The following TLDC2 variants were observed in gnomAD, a reference collection of about 807,000 sequenced individuals.
TLDC2 encodes the protein TBC/LysM-associated domain containing 2, also known as TLD domain-containing protein 2.
A neutral mutation model predicts 27.9 loss-of-function variants in TLDC2; 23 were observed. That is an observed-to-expected ratio of 0.82 (90% confidence interval 0.59 to 1.17). The LOEUF (loss-of-function observed/expected upper bound fraction) is 1.17, where lower values mean the gene tolerates loss of function less well. Ranked by LOEUF, TLDC2 falls within the 50% of genes most tolerant of loss-of-function variation. The probability of loss-of-function intolerance (pLI) is 0.00; values close to 1 mark genes in which losing one functional copy is unlikely to be tolerated. For missense variants in TLDC2, 286 were observed against 273.4 expected, an observed-to-expected ratio of 1.05 and a Z score of -0.32; for synonymous variants, 124 against 107.4, an observed-to-expected ratio of 1.16 and a Z score of -0.96.
chr20:36,879,885 G>GA (rs71186023), intron 3 of TLDC2, among the ~76,000 whole-genome samples: 220 of 135,084 alleles, frequency 1.6e-3, no homozygotes, highest in Middle Eastern at 3.7e-3. Context: ...AACCCTGTCT[G>GA]AAAAAAAAAA....
At position 36,892,929 on chromosome 20, in the gene TLDC2, C is replaced by A. The variant is rs747049626; in HGVS notation, c.*85C>A. 6.2e-7 allele frequency: 1 copy of A among 1,613,942 alleles called. No individual in the cohort carries two copies. Among genetic ancestry groups the A allele is most frequent in the South Asian group, 1.1e-5 (1 of 91,062 alleles). On this transcript the variant is annotated 3_prime_UTR_variant, in exon 7 of 7. Transcript: ENST00000217320. ...GAGTTTGTAAACAACTGACTACAGA[C>A]ATTCACATTGGGTCATCTTTAAAAA...
At chr20:36,887,619 C>G (rs1789988988) in intron 5 of TLDC2, 91 bp downstream of exon 5, 1 of 1,250,944 alleles carries the variant, frequency 8.0e-7, no homozygotes, top group Non-Finnish European at 1.2e-6. Context: ...GCCCTTGATG[C>G]AATGGCGAGG....
At position 36,877,890 on chromosome 20, in the gene TLDC2, T is replaced by G. The variant is rs1230393471; in HGVS notation, c.34-9T>G. 6.2e-7 allele frequency: 1 copy of G among 1,609,370 alleles called. No homozygotes were observed. Among genetic ancestry groups the G allele is most frequent in the Non-Finnish European group, 8.5e-7 (1 of 1,178,084 alleles). ...CCTGGACACACCAGGCCACTTTGTG[T>G]TTTTGCAGCCCAGCCAGGTGGAGGA... is the stretch of plus-strand genomic sequence containing the variant. On this transcript the variant is annotated splice_polypyrimidine_tract_variant and intron_variant, in intron 1 of 6. Coordinates refer to ENST00000217320, the MANE Select transcript of TLDC2 (RefSeq NM_080628.3).
chr20:36,889,333 G>T lies in TLDC2; in HGVS notation c.595G>T (p.Ala199Ser), dbSNP rs1990002880. Residue 199 changes from alanine to serine, a missense_variant, in exon 6 of 7, where the codon GCC becomes TCC. By Grantham distance (99) the Ala-to-Ser change is moderately conservative. Transcript: ENST00000217320. ...CCCGACCTTCAACAACGAGGTGCTG[G>T]CCCGGCAGGAGCAGTTCTGCATCCA... ...PCPTFNNEVL[A>S]RQEQFCIQEL... 3 of 1,614,096 alleles carry T rather than the reference G, an allele frequency of 1.9e-6. No individual in the cohort carries two copies. Among genetic ancestry groups the T allele is most frequent in the Non-Finnish European group, 2.5e-6 (3 of 1,180,044 alleles).
rs372154204 is a variant in TLDC2, at chr20:36,877,679, C to G, written c.34-220C>G. Among the ~76,000 whole-genome samples the G allele has an allele frequency of 2.6e-4, 39 of 152,284 alleles. 3 individuals are homozygous for G. The South Asian group carries it at 7.7e-3, about 30-fold the overall frequency. On this transcript the variant is annotated intron_variant, in intron 1 of 6. Transcript: ENST00000217320. ...CTGGCGGGGGTGGGGGGACTGTGCT[C>G]CAGCCCTCAGCTGGCAGGGGCCAGG...
In TLDC2 at chr20:36,893,394, C is replaced by A; in HGVS notation, c.*550C>A. On this transcript the variant is annotated 3_prime_UTR_variant, in exon 7 of 7. Transcript: ENST00000217320. Reference sequence around the variant, plus strand: ...CTGTCCTGTTTTCCCAGGAGAAAGACGGGATGCACTGAACCCCTAGCTTCT... The same window carrying A: ...CTGTCCTGTTTTCCCAGGAGAAAGAAGGGATGCACTGAACCCCTAGCTTCT... 1 of 406,658 alleles carries A rather than the reference C, an allele frequency of 2.5e-6. No homozygotes were observed. Among genetic ancestry groups the A allele is most frequent in the South Asian group, 2.7e-5 (1 of 36,684 alleles). The allele number at this position is 406,658 out of a possible 1,614,324, so 25.2% of individuals were successfully genotyped here.
intron 1 of TLDC2, among the ~76,000 whole-genome samples, chr20:36,876,942 T>G (rs1315778608): frequency 6.6e-6 from 1 of 152,216 alleles, no homozygotes; most frequent in Non-Finnish European, 1.5e-5. Flanking sequence ...CACAACTCTA[T>G]TCCAAGCCAA....
intron 4 of TLDC2, among the ~76,000 whole-genome samples, chr20:36,882,545 T>C (rs1291129): frequency 0.47 from 70,968 of 151,832 alleles, 18,443 homozygotes; most frequent in South Asian, 0.65. Flanking sequence ...AATTTTTTTT[T>C]AAATTGTTCA....
At chr20:36,878,330 C>T (rs188880220) in intron 2 of TLDC2, among the ~76,000 whole-genome samples, 7 of 152,292 alleles carry the variant, frequency 4.6e-5, no homozygotes, top group East Asian at 1.9e-4. Context: ...CCTGTAATCC[C>T]AGCACTTTGG....
intron 3 of TLDC2, 143 bp from the exon 4 acceptor site, chr20:36,880,512 G>A (rs1989789448): frequency 4.8e-6 from 3 of 631,378 alleles, no homozygotes; most frequent in African/African-American, 1.8e-5. Flanking sequence ...CTGCTCTTGG[G>A]TGTGGAGCCC....
chr20:36,880,083 A>ATATATATATATGTGTGTG (rs1555828554), intron 3 of TLDC2, among the ~76,000 whole-genome samples: 53 of 35,886 alleles, frequency 1.5e-3, no homozygotes, highest in South Asian at 9.2e-3. Context: ...ATATATATAT[A>ATATATATATATGTGTGTG]TATATATATA....
At chr20:36,882,728 C>T (rs1187411862) in intron 4 of TLDC2, among the ~76,000 whole-genome samples, 3 of 152,122 alleles carry the variant, frequency 2.0e-5, no homozygotes, top group Non-Finnish European at 4.4e-5. Context: ...TGCATTGCTG[C>T]CATCAGCTGG....
In TLDC2 at chr20:36,878,926, T is replaced by C; in HGVS notation, c.190-115T>C. 4 of 1,495,534 alleles carry C rather than the reference T, an allele frequency of 2.7e-6. No homozygotes were observed. In the South Asian group the frequency reaches 3.5e-5, roughly 13 times the overall value. 92.6% of individuals were successfully genotyped at this position (1,495,534 alleles called of 1,614,324 possible). ...AAAGTCCCTAGAAACAGCAAACTGC[T>C]CTATCGCCTGTAAAGCACTGTGCTG... On this transcript the variant is annotated intron_variant, in intron 2 of 6. Coordinates refer to ENST00000217320, the MANE Select transcript of TLDC2 (RefSeq NM_080628.3).
Position 36,880,642 on chromosome 20 carries a change from T to G in TLDC2, c.343-13T>G. On this transcript the variant is annotated splice_polypyrimidine_tract_variant and intron_variant, in intron 3 of 6. Coordinates refer to ENST00000217320, the MANE Select transcript of TLDC2 (RefSeq NM_080628.3). ...CTCCCTTCCAGCTGCAGACTACAAC[T>G]TCCACTTTCCAGATATTTGGAGCCT... The G allele has an allele frequency of 6.2e-7, 1 of 1,612,942 alleles. No homozygotes were observed. The highest frequency in any genetic ancestry group is 8.5e-7 in the Non-Finnish European group (1 of 1,178,942).
chr20:36,889,944 C>T (rs929389167), intron 6 of TLDC2: 9 of 152,016 alleles, frequency 5.9e-5, no homozygotes, highest in African/African-American at 2.2e-4. Flanking sequence ...CTTACAAAAA[C>T]AGGATTCTAC....
intron 6 of TLDC2, 118 bp from the exon 7 acceptor site, chr20:36,892,744 A>G: frequency 1.4e-6 from 1 of 725,388 alleles, no homozygotes; most frequent in South Asian, 1.5e-5. Context: ...AATGCTTTTC[A>G]TAGTATAGTA....
At chr20:36,877,353 C>A (rs1030877388) in intron 1 of TLDC2, among the ~76,000 whole-genome samples, 5 of 149,230 alleles carry the variant, frequency 3.4e-5, no homozygotes, top group Non-Finnish European at 7.4e-5. Flanking sequence ...TGAACTCCAG[C>A]CTGGGTGACA....
intron 3 of TLDC2, 41 bp from the exon 4 acceptor site, chr20:36,880,614 T>C (rs1989791850): frequency 6.4e-7 from 1 of 1,568,680 alleles, no homozygotes; most frequent in Non-Finnish European, 8.8e-7. Flanking sequence ...AGAGGACCCC[T>C]AGCTCCCTTC....
At chr20:36,882,536 AT>A (rs11086818) in intron 4 of TLDC2, among the ~76,000 whole-genome samples, 1 of 151,962 alleles carries the variant, frequency 6.6e-6, no homozygotes, top group South Asian at 2.1e-4. Context: ...CTTAAAAAAA[AT>A]TTTTTTTTAA....
Sources: gnomAD v4.1 joint callset for allele counts (sites outside exome capture counted in the v4.1 genomes callset) on GRCh38, gnomAD v4.1.1 for gene constraint, MANE v1.5 for transcripts, NCBI Gene and HGNC (gene_info 2026-07-23, HGNC 2026-07-21) for gene names.